The following UBTD2 variants were observed in gnomAD, a reference collection of about 807,000 sequenced individuals.
UBTD2 encodes ubiquitin domain containing 2.
UBTD2 carries 9 observed loss-of-function variants against 19.8 expected under a neutral mutation model. The ratio of observed to expected loss-of-function variants is 0.46; its 90% CI spans 0.27 to 0.79. UBTD2 has a LOEUF of 0.79. UBTD2 is among the 30% of genes least tolerant of loss of function. UBTD2 has a pLI of 0.14. For missense variants in UBTD2, 250 were observed against 300.4 expected (o/e 0.83, Z 1.24); for synonymous variants, 98 against 103.9 (o/e 0.94, Z 0.35).
At chr5:172,280,336 C>T (rs983466764) in intron 1 of UBTD2, among the ~76,000 whole-genome samples, 4 of 151,860 alleles carry the variant, frequency 2.6e-5, no homozygotes, top group African/African-American at 9.7e-5. Context: ...GGTGAAACCC[C>T]GTCTCTACTA....
chr5:172,218,117 G>T (rs757774405), intron 2 of UBTD2, among the ~76,000 whole-genome samples: 2 of 152,046 alleles, frequency 1.3e-5, no homozygotes, highest in Non-Finnish European at 2.9e-5. Flanking sequence ...ATAACAAAAT[G>T]AAATCATACA....
intron 1 of UBTD2, among the ~76,000 whole-genome samples, chr5:172,269,391 C>T (rs4541674): frequency 0.32 from 48,808 of 150,524 alleles, 7,962 homozygotes; most frequent in South Asian, 0.42. Context: ...CTTGGGAGGC[C>T]GAGGCAGGAG....
In UBTD2 at chr5:172,283,538, T is replaced by C; in HGVS notation, c.70+58A>G. 8.0e-7 allele frequency: 1 copy of C among 1,242,240 alleles called. No individual in the cohort carries two copies. Among genetic ancestry groups the C allele is most frequent in the Non-Finnish European group, 1.0e-6 (1 of 982,446 alleles). The allele number at this position is 1,242,240 out of a possible 1,614,324, so 77.0% of individuals were successfully genotyped here. Reference sequence around the variant, plus strand: ...CGCGGCCCGCGGGGGTCGGGACAGGTGGCCGGGCCTGGCCGGGAACAATGG... The same window carrying C: ...CGCGGCCCGCGGGGGTCGGGACAGGCGGCCGGGCCTGGCCGGGAACAATGG... On this transcript the variant is annotated intron_variant, in intron 1 of 2. Transcript: ENST00000393792. The surrounding 1 kb of genome is among the most constrained non-coding windows in gnomAD (Gnocchi z 4.3).
chr5:172,237,974 C>T (rs1169530044), intron 1 of UBTD2, among the ~76,000 whole-genome samples: 2 of 152,206 alleles, frequency 1.3e-5, no homozygotes, highest in Non-Finnish European at 2.9e-5. Flanking sequence ...TGTGCCTTAT[C>T]AGAGTACACT....
intron 1 of UBTD2, among the ~76,000 whole-genome samples, chr5:172,258,222 G>A (rs1025698182): frequency 6.6e-6 from 1 of 152,194 alleles, no homozygotes; most frequent in Non-Finnish European, 1.5e-5. Flanking sequence ...CATATGGCTA[G>A]CCAGTTATCC....
chr5:172,283,561 TG>T lies in UBTD2; in HGVS notation c.70+34del. 3 of 1,280,132 alleles carry T rather than the reference TG, an allele frequency of 2.3e-6. No homozygotes were observed. Among genetic ancestry groups the T allele is most frequent in the South Asian group, 2.8e-5 (1 of 35,370 alleles). The allele number at this position is 1,280,132 out of a possible 1,614,324, so 79.3% of individuals were successfully genotyped here. ...GGTGGCCGGGCCTGGCCGGGAACAA[TG>T]GGGGGCCGAGGCTGCCCCCTGGCGC... On this transcript the variant is annotated intron_variant, in intron 1 of 2. Coordinates refer to ENST00000393792, the MANE Select transcript of UBTD2 (RefSeq NM_152277.3). This position sits in a 1 kb window ranked among gnomAD's most constrained non-coding sequence, Gnocchi z 4.3.
At chr5:172,276,147 C>G (rs892940987) in intron 1 of UBTD2, among the ~76,000 whole-genome samples, 2 of 152,144 alleles carry the variant, frequency 1.3e-5, no homozygotes, top group Non-Finnish European at 2.9e-5. Context: ...TATTGCTGCT[C>G]CAGAGACAAA....
intron 1 of UBTD2, among the ~76,000 whole-genome samples, chr5:172,267,704 A>G (rs1446422027): frequency 6.6e-6 from 1 of 152,250 alleles, no homozygotes; most frequent in East Asian, 1.9e-4. Context: ...TTTGTGTACC[A>G]GGACTTTACT....
chr5:172,222,450 G>T (rs1007550743), intron 2 of UBTD2, among the ~76,000 whole-genome samples: 1 of 152,208 alleles, frequency 6.6e-6, no homozygotes, highest in African/African-American at 2.4e-5. Context: ...GGTTATAAGA[G>T]AACCAAGACT....
intron 1 of UBTD2, among the ~76,000 whole-genome samples, chr5:172,247,971 C>A (rs770044061): frequency 6.6e-6 from 1 of 152,052 alleles, no homozygotes; most frequent in Non-Finnish European, 1.5e-5. Context: ...TGAAATCATA[C>A]AAAGTTATCT....
intron 2 of UBTD2, among the ~76,000 whole-genome samples, chr5:172,224,391 C>T (rs1771719962): frequency 6.6e-6 from 1 of 151,518 alleles, no homozygotes; most frequent in Non-Finnish European, 1.5e-5. Flanking sequence ...CCTCCACCTC[C>T]CACGTTCAAG....
intron 1 of UBTD2, among the ~76,000 whole-genome samples, chr5:172,258,630 C>G (rs996345508): frequency 6.6e-6 from 1 of 152,146 alleles, no homozygotes; most frequent in Non-Finnish European, 1.5e-5. Context: ...CTCTGATTTC[C>G]TTCAGCAGTG....
intron 1 of UBTD2, among the ~76,000 whole-genome samples, chr5:172,245,332 CA>C (rs1291588430): frequency 1.3e-5 from 2 of 152,106 alleles, no homozygotes; most frequent in African/African-American, 4.8e-5. Context: ...AACTGCAGAG[CA>C]GAAACAGCTA....
At chr5:172,269,981 G>A (rs1020308281) in intron 1 of UBTD2, among the ~76,000 whole-genome samples, 1 of 151,732 alleles carries the variant, frequency 6.6e-6, no homozygotes, top group Non-Finnish European at 1.5e-5. Flanking sequence ...GGAGGCTGAG[G>A]CAGGAGAATT....
intron 2 of UBTD2, among the ~76,000 whole-genome samples, chr5:172,220,884 T>C (rs1771637281): frequency 6.6e-6 from 1 of 152,134 alleles, no homozygotes; most frequent in Non-Finnish European, 1.5e-5. Flanking sequence ...AGAATCAACA[T>C]AAAAGCTACT....
intron 1 of UBTD2, among the ~76,000 whole-genome samples, chr5:172,251,626 GAAAAA>G (rs60201763): frequency 2.3e-3 from 331 of 142,336 alleles, no homozygotes; most frequent in African/African-American, 7.0e-3. Flanking sequence ...AAAGTGCAAT[GAAAAA>G]AAAAAAAAAA....
intron 1 of UBTD2, among the ~76,000 whole-genome samples, chr5:172,259,335 G>T (rs944295730): frequency 6.6e-6 from 1 of 151,950 alleles, no homozygotes; most frequent in African/African-American, 2.4e-5. Context: ...TAGAGACAGG[G>T]TTTCACTATT....
At chr5:172,246,838 A>G (rs1253733444) in intron 1 of UBTD2, among the ~76,000 whole-genome samples, 1 of 131,246 alleles carries the variant, frequency 7.6e-6, no homozygotes, top group African/African-American at 3.0e-5. Context: ...ATCTTGGCTC[A>G]CTGCAACCTC....
At chr5:172,250,933 CAAAAA>C (rs56280728) in intron 1 of UBTD2, among the ~76,000 whole-genome samples, 29 of 43,940 alleles carry the variant, frequency 6.6e-4, no homozygotes, top group African/African-American at 2.5e-3. Flanking sequence ...GACCCTGTCT[CAAAAA>C]AAAAAAAAAA....
Sources: gnomAD v4.1 joint callset for allele counts (sites outside exome capture counted in the v4.1 genomes callset) on GRCh38, gnomAD v4.1.1 for gene constraint, Gnocchi (gnomAD v3.1) non-coding constraint, MANE v1.5 for transcripts, NCBI Gene and HGNC (gene_info 2026-07-23, HGNC 2026-07-21) for gene names.